The following DENND1A variants were observed in gnomAD, a reference collection of about 807,000 sequenced individuals.
DENND1A encodes the protein DENN domain-containing protein 1A.
In DENND1A, 51 loss-of-function variants were observed where a neutral mutation model predicts 113.7. The ratio of observed to expected loss-of-function variants is 0.45; its 90% CI spans 0.36 to 0.57. The LOEUF is 0.57. Ranked by LOEUF, DENND1A falls within the 20% of genes least tolerant of loss-of-function variation. DENND1A has a pLI of 0.00. For synonymous variants in DENND1A, 565 were observed against 570.8 expected, an observed-to-expected ratio of 0.99 and a Z score of 0.14; for missense variants, 1,258 against 1,395.9, an observed-to-expected ratio of 0.90 and a Z score of 1.57.
intron 11 of DENND1A, among the ~76,000 whole-genome samples, chr9:123,599,089 T>G (rs1219891537): frequency 6.6e-6 from 1 of 152,236 alleles, no homozygotes; most frequent in African/African-American, 2.4e-5. Flanking sequence ...AGTCAATGCC[T>G]TTGTTTCTAA....
intron 5 of DENND1A, among the ~76,000 whole-genome samples, chr9:123,756,788 G>A (rs2070593082): frequency 6.6e-6 from 1 of 152,168 alleles, no homozygotes; most frequent in African/African-American, 2.4e-5. Context: ...AGAAGAAAGT[G>A]CAGAGACTAG....
intron 8 of DENND1A, among the ~76,000 whole-genome samples, chr9:123,664,170 G>A (rs1465053345): frequency 6.6e-6 from 1 of 152,134 alleles, no homozygotes; most frequent in Non-Finnish European, 1.5e-5. Context: ...CTATGATTTG[G>A]TACTGTTTAA....
chr9:123,746,741 T>G (rs1195544439), intron 5 of DENND1A, among the ~76,000 whole-genome samples: 7 of 152,146 alleles, frequency 4.6e-5, no homozygotes, highest in African/African-American at 1.7e-4. Flanking sequence ...AGACCTAGAA[T>G]TGCAATCTCT....
chr9:123,609,838 A>G (rs2060333142), intron 10 of DENND1A, among the ~76,000 whole-genome samples: 1 of 152,236 alleles, frequency 6.6e-6, no homozygotes, highest in South Asian at 2.1e-4. Context: ...TATACGTTAA[A>G]TGATCAGCAG....
At chr9:123,476,381 G>T (rs1006265420) in intron 13 of DENND1A, among the ~76,000 whole-genome samples, 2 of 152,146 alleles carry the variant, frequency 1.3e-5, no homozygotes, top group Non-Finnish European at 2.9e-5. Flanking sequence ...CTACCCAAGA[G>T]CCTGGATGTG....
chr9:123,672,257 C>T (rs2063801618), intron 6 of DENND1A, among the ~76,000 whole-genome samples: 6 of 152,180 alleles, frequency 3.9e-5, no homozygotes, highest in Admixed American at 3.9e-4. Flanking sequence ...AAAGAAGATG[C>T]ACCCAGACTA....
At chr9:123,455,191 C>T (rs893631559) in intron 15 of DENND1A, among the ~76,000 whole-genome samples, 3 of 152,178 alleles carry the variant, frequency 2.0e-5, no homozygotes, top group Middle Eastern at 3.2e-3. Flanking sequence ...TTAAAGGAGG[C>T]GGCAGCGAGT....
At chr9:123,678,155 T>C (rs1490178567) in intron 5 of DENND1A, among the ~76,000 whole-genome samples, 1 of 152,182 alleles carries the variant, frequency 6.6e-6, no homozygotes, top group African/African-American at 2.4e-5. Context: ...CAGTCCTCAA[T>C]GGCATGTCTG....
intron 19 of DENND1A, among the ~76,000 whole-genome samples, chr9:123,427,161 T>C (rs2045801826): frequency 6.6e-6 from 1 of 152,244 alleles, no homozygotes; most frequent in Non-Finnish European, 1.5e-5. Context: ...CCCTATGGCA[T>C]GATCACACAA....
At chr9:123,460,075 GT>G (rs2048415941) in intron 13 of DENND1A, among the ~76,000 whole-genome samples, 1 of 152,202 alleles carries the variant, frequency 6.6e-6, no homozygotes, top group Admixed American at 6.5e-5. Context: ...TATGTCCTAT[GT>G]GGCATCTAAG....
At chr9:123,661,256 C>A (rs1403447836) in intron 8 of DENND1A, among the ~76,000 whole-genome samples, 1 of 152,198 alleles carries the variant, frequency 6.6e-6, no homozygotes, top group Non-Finnish European at 1.5e-5. Context: ...AGTTAACAGA[C>A]TTTCCCACAC....
At chr9:123,714,260 T>C (rs1187921232) in intron 5 of DENND1A, among the ~76,000 whole-genome samples, 2 of 152,180 alleles carry the variant, frequency 1.3e-5, no homozygotes, top group Non-Finnish European at 1.5e-5. Context: ...TCTGTGCAGG[T>C]AGCTCCTGCC....
At chr9:123,851,537 A>T (rs1383653138) in intron 2 of DENND1A, among the ~76,000 whole-genome samples, 1 of 152,198 alleles carries the variant, frequency 6.6e-6, no homozygotes, top group East Asian at 1.9e-4. Flanking sequence ...ATTCTTTGCA[A>T]GACCTCCAAA....
intron 3 of DENND1A, among the ~76,000 whole-genome samples, chr9:123,787,231 T>C (rs553561193): frequency 2.6e-5 from 4 of 152,200 alleles, no homozygotes; most frequent in Non-Finnish European, 4.4e-5. Context: ...ATTTGTGTCA[T>C]ACAATGTTGG....
At chr9:123,515,560 T>C (rs2053828642) in intron 13 of DENND1A, among the ~76,000 whole-genome samples, 2 of 152,092 alleles carry the variant, frequency 1.3e-5, no homozygotes, top group Non-Finnish European at 1.5e-5. Flanking sequence ...TGAACATAGG[T>C]GAAGGGTAAA....
chr9:123,608,864 G>A (rs572866736), intron 11 of DENND1A, among the ~76,000 whole-genome samples: 2 of 152,004 alleles, frequency 1.3e-5, no homozygotes, highest in Non-Finnish European at 2.9e-5. Context: ...ACTGAGAGTA[G>A]ATAAAAACAT....
At chr9:123,455,339 C>T (rs766568585) in intron 15 of DENND1A, among the ~76,000 whole-genome samples, 9 of 152,242 alleles carry the variant, frequency 5.9e-5, no homozygotes, top group East Asian at 1.9e-4. Context: ...TCGCGCCTCA[C>T]GGCCTCTCCA....
At chr9:123,504,219 C>T (rs988510128) in intron 13 of DENND1A, among the ~76,000 whole-genome samples, 2 of 152,172 alleles carry the variant, frequency 1.3e-5, no homozygotes, top group South Asian at 2.1e-4. Context: ...AAACTGCACT[C>T]GCCCTTCGAG....
intron 1 of DENND1A, among the ~76,000 whole-genome samples, chr9:123,904,432 G>A (rs1304832995): frequency 1.3e-5 from 2 of 150,314 alleles, no homozygotes; most frequent in Non-Finnish European, 3.0e-5. Context: ...GCTACGGGAG[G>A]ACATTCAAAC....
Sources: gnomAD v4.1 joint callset for allele counts (sites outside exome capture counted in the v4.1 genomes callset) on GRCh38, gnomAD v4.1.1 for gene constraint, MANE v1.5 for transcripts, NCBI Gene and HGNC (gene_info 2026-07-23, HGNC 2026-07-21) for gene names.